The following RCN2 variants were observed in gnomAD, a reference collection of about 807,000 sequenced individuals.
RCN2 encodes the protein reticulocalbin 2.
RCN2 carries 23 observed loss-of-function variants against 37.5 expected under a neutral mutation model. The observed-to-expected ratio is 0.61, with a 90% CI of 0.44 to 0.87. RCN2 has a LOEUF of 0.87. Ranked by LOEUF, RCN2 falls within the 40% of genes least tolerant of loss-of-function variation. The pLI is 0.00. For missense variants in RCN2, 381 were observed against 390.4 expected, an observed-to-expected ratio of 0.98 and a Z score of 0.20; for synonymous variants, 140 against 144.6, an observed-to-expected ratio of 0.97 and a Z score of 0.23.
intron 3 of RCN2, among the ~76,000 whole-genome samples, chr15:76,937,677 G>A (rs2075258210): frequency 6.6e-6 from 1 of 152,106 alleles, no homozygotes; most frequent in South Asian, 2.1e-4. Flanking sequence ...CAAAGTGCTA[G>A]GATTACAGGT....
In RCN2 at chr15:76,931,771, C is replaced by T; in HGVS notation, c.-71C>T. 2 of 1,134,298 alleles carry T rather than the reference C, an allele frequency of 1.8e-6. No homozygotes were observed. Among genetic ancestry groups the T allele is most frequent in the South Asian group, 8.4e-5 (2 of 23,688 alleles). 70.3% of individuals were successfully genotyped at this position (1,134,298 alleles called of 1,614,324 possible). A position where few individuals can be genotyped will look rare whatever the true frequency, so the allele number is the denominator to read the frequency against. On this transcript the variant is annotated 5_prime_UTR_variant, in exon 1 of 7. Transcript: ENST00000394885. ...CGCCTCTCTGTAGCCGCCCGCGGAG[C>T]ATCGCAGCCGGCCCGGGCCCCCGCC...
Position 76,949,226 on chromosome 15 carries a change from C to A in RCN2, c.*4C>A. 6.3e-6 allele frequency: 10 copies of A among 1,597,280 alleles called. No individual in the cohort carries two copies. The highest frequency in any genetic ancestry group is 8.5e-6 in the Non-Finnish European group (10 of 1,171,834). The stretch of plus-strand genomic sequence containing the variant: ...TTTCTATCATGATGAGCTTTAATCT[C>A]TGAGCCTGTCTCAGTAGAGTACTGG... On this transcript the variant is annotated 3_prime_UTR_variant, in exon 7 of 7. Coordinates refer to ENST00000394885, the MANE Select transcript of RCN2 (RefSeq NM_002902.3).
At chr15:76,949,034 T>A in intron 6 of RCN2, 36 bp from the exon 7 acceptor site, 1 of 1,546,508 alleles carries the variant, frequency 6.5e-7, no homozygotes, top group Non-Finnish European at 8.7e-7. Flanking sequence ...CTGAAAATAC[T>A]TATTACACTT....
rs1170554517 is a variant in RCN2, at chr15:76,953,418, A to G, written c.*4196A>G. ...CTTATCCATTCACCCTTTGATGGAC[A>G]CAGGTTGCTTCCACCTTTTATTGTG... On this transcript the variant is annotated 3_prime_UTR_variant, in exon 7 of 7. Coordinates refer to ENST00000394885, the MANE Select transcript of RCN2 (RefSeq NM_002902.3). The G allele has an allele frequency of 4.6e-5, 7 of 151,306 alleles. No homozygotes were observed. Among genetic ancestry groups the G allele is most frequent in the African/African-American group, 1.7e-4 (7 of 41,152 alleles). 9.4% of individuals were successfully genotyped at this position (151,306 alleles called of 1,614,324 possible). A position where few individuals can be genotyped will look rare whatever the true frequency, so the allele number is the denominator to read the frequency against.
intron 2 of RCN2, 150 bp from the exon 3 acceptor site, chr15:76,935,376 T>C: frequency 1.6e-6 from 1 of 606,826 alleles, no homozygotes. Flanking sequence ...CCTTTCCCAC[T>C]TCCTACCCCA....
At position 76,949,072 on chromosome 15, in the gene RCN2, G is replaced by A. The variant is rs58665121; in HGVS notation, c.804G>A (p.Ala268=). ...PNNQGIAQEE[A]LHLIDEMDLN... is the part of the protein sequence containing the mutation. The stretch of plus-strand genomic sequence containing the variant: ...CACTTTTTTGTTTTATTTTGAAGGC[G>A]CTTCATCTAATTGATGAAATGGATT... The change falls in exon 7 of 7, where the codon GCG becomes GCA. Residue 268 remains alanine, a splice_region_variant and synonymous_variant. Transcript: ENST00000394885. 3.8e-4 allele frequency: 600 copies of A among 1,590,102 alleles called. 2 individuals are homozygous for A. In the African/African-American group the frequency reaches 7.7e-3, roughly 20 times the overall value.
At position 76,949,223 on chromosome 15, in the gene RCN2, T is replaced by C. The variant is rs1396609380; in HGVS notation, c.*1T>C. The C allele has an allele frequency of 6.3e-7, 1 of 1,599,800 alleles. No individual in the cohort carries two copies. The highest frequency in any genetic ancestry group is 8.5e-7 in the Non-Finnish European group (1 of 1,173,452). ...CTATTTCTATCATGATGAGCTTTAATCTCTGAGCCTGTCTCAGTAGAGTAC... is the reference window on the plus strand; with the variant it reads ...CTATTTCTATCATGATGAGCTTTAACCTCTGAGCCTGTCTCAGTAGAGTAC... On this transcript the variant is annotated 3_prime_UTR_variant, in exon 7 of 7. Transcript: ENST00000394885.
At position 76,953,591 on chromosome 15, in the gene RCN2, A is replaced by C. The variant is rs71398950; in HGVS notation, c.*4369A>C. 5 of 12,378 alleles carry C rather than the reference A, an allele frequency of 4.0e-4. No individual in the cohort carries two copies. The highest frequency in any genetic ancestry group is 6.0e-4 in the Non-Finnish European group (4 of 6,720). The allele number at this position is 12,378 out of a possible 1,614,324, so 0.8% of individuals were successfully genotyped here. A position where few individuals can be genotyped will look rare whatever the true frequency, so the allele number is the denominator to read the frequency against. On this transcript the variant is annotated 3_prime_UTR_variant, in exon 7 of 7. Coordinates refer to ENST00000394885, the MANE Select transcript of RCN2 (RefSeq NM_002902.3). The stretch of plus-strand genomic sequence containing the variant: ...TATATATATATATATATATATATAT[A>C]TATTTTTTTTTTTTTTTTTTTTTTT...
intron 3 of RCN2, chr15:76,941,851 C>T: frequency 2.3e-6 from 1 of 437,840 alleles, no homozygotes; most frequent in Non-Finnish European, 4.1e-6. Flanking sequence ...TCTCCTGAAA[C>T]ATGGACCTTT....
At chr15:76,940,628 A>G (rs942905412) in intron 3 of RCN2, among the ~76,000 whole-genome samples, 2 of 143,840 alleles carry the variant, frequency 1.4e-5, no homozygotes, top group Admixed American at 1.5e-4. Flanking sequence ...GGCTCACTGC[A>G]GTCTTAGCCT....
Position 76,931,865 on chromosome 15 carries a change from G to A in RCN2, c.24G>A (p.Ala8=), listed in dbSNP as rs1287027165. The change falls in exon 1 of 7, where the codon GCG becomes GCA. Residue 8 remains alanine (A), a synonymous_variant. Transcript: ENST00000394885. The part of the protein sequence containing the change: MRLGPRT[A]ALGLLLLCAA... ...CGATGCGGCTGGGCCCGAGGACCGC[G>A]GCGTTGGGGCTGCTGCTGCTGTGCG... 3.3e-5 allele frequency: 43 copies of A among 1,283,956 alleles called. No homozygotes were observed. The highest frequency in any genetic ancestry group is 4.0e-5 in the Non-Finnish European group (41 of 1,017,654). The allele number at this position is 1,283,956 out of a possible 1,614,324, so 79.5% of individuals were successfully genotyped here.
In RCN2 at chr15:76,943,807, G is replaced by C; in HGVS notation, c.497G>C (p.Gly166Ala). The change falls in exon 4 of 7, where the codon GGT (glycine) becomes GCT (alanine). Residue 166 changes from glycine (G) to alanine (A), a missense_variant. Transcript: ENST00000394885. ...TTTGAAAAAGCTAACCAGGATTCAG[G>C]TCCCGGTTTGAGTCTTGAAGAATTT... ...KRFEKANQDS[G>A]PGLSLEEFIA... 7 of 1,609,740 alleles carry C rather than the reference G, an allele frequency of 4.3e-6. No individual in the cohort carries two copies. The highest frequency in any genetic ancestry group is 5.9e-6 in the Non-Finnish European group (7 of 1,176,910).
chr15:76,941,615 A>T, intron 3 of RCN2: 1 of 1,399,304 alleles, frequency 7.1e-7, no homozygotes, highest in Non-Finnish European at 9.7e-7. Context: ...GAAACTGACC[A>T]TCTTTTTTGT....
rs2075306318 is a variant in RCN2, at chr15:76,948,650, A to G, written c.801+98A>G. The G allele has an allele frequency of 7.4e-6, 9 of 1,220,608 alleles. No homozygotes were observed. The South Asian group carries it at 1.2e-4, about 17-fold the overall frequency. 75.6% of individuals were successfully genotyped at this position (1,220,608 alleles called of 1,614,324 possible). ...TTCAAAATCTTAAGCCAAAGAAAGA[A>G]GTAATGGAGTTATTTGGGATTGATG... is the stretch of plus-strand genomic sequence containing the variant. On this transcript the variant is annotated intron_variant, in intron 6 of 6. Transcript: ENST00000394885.
rs2075322931 is a variant in RCN2 at position 76,951,997 on chromosome 15, GT to G, written c.*2777del. 6.7e-6 allele frequency: 1 copy of G among 148,982 alleles called. No homozygotes were observed. The highest frequency in any genetic ancestry group is 1.5e-5 in the Non-Finnish European group (1 of 67,508). 9.2% of individuals were successfully genotyped at this position (148,982 alleles called of 1,614,324 possible). On this transcript the variant is annotated 3_prime_UTR_variant, in exon 7 of 7. Coordinates refer to ENST00000394885, the MANE Select transcript of RCN2 (RefSeq NM_002902.3). ...TAGCATATCATGTTTGCCTTACTTA[GT>G]TCTTTCCTTTGCAGTTTTAAAAATA...
chr15:76,938,674 C>CTGTAA, intron 3 of RCN2: 1 of 451,228 alleles, frequency 2.2e-6, no homozygotes, highest in South Asian at 1.6e-5. Flanking sequence ...CGCTTGAACT[C>CTGTAA]TGTAAGCCAC....
chr15:76,936,804 A>G (rs1596002868), intron 3 of RCN2, among the ~76,000 whole-genome samples: 2 of 152,296 alleles, frequency 1.3e-5, no homozygotes, highest in Non-Finnish European at 2.9e-5. Flanking sequence ...CTGTGTAACA[A>G]ATTGACCATT....
intron 3 of RCN2, among the ~76,000 whole-genome samples, chr15:76,940,109 A>ATTT (rs112017316): frequency 5.4e-5 from 8 of 148,554 alleles, no homozygotes; most frequent in African/African-American, 1.7e-4. Flanking sequence ...CCTTTTGGTT[A>ATTT]TTTTTTTTTT....
At chr15:76,945,472 A>T (rs1037375547) in intron 4 of RCN2, among the ~76,000 whole-genome samples, 2 of 152,242 alleles carry the variant, frequency 1.3e-5, no homozygotes, top group African/African-American at 4.8e-5. Flanking sequence ...AATATTTAAA[A>T]TAAGTACCAG....
Sources: gnomAD v4.1 joint callset for allele counts (sites outside exome capture counted in the v4.1 genomes callset) on GRCh38, gnomAD v4.1.1 for gene constraint, MANE v1.5 for transcripts, NCBI Gene and HGNC (gene_info 2026-07-23, HGNC 2026-07-21) for gene names.